Variants in IARS1 observed in about 807,000 individuals in gnomAD.
The protein encoded by IARS1 is isoleucyl-tRNA synthetase 1.
IARS1 carries 124 observed loss-of-function variants against 168.2 expected under a neutral mutation model. That is an observed-to-expected ratio of 0.74 (90% CI 0.64 to 0.86). IARS1 has a LOEUF of 0.86. IARS1 is among the 40% of genes least tolerant of loss of function. The probability of loss-of-function intolerance (pLI) is 0.00; values close to 1 mark genes in which losing one functional copy is unlikely to be tolerated. For synonymous variants in IARS1, 532 were observed against 529.4 expected (o/e 1.00, Z -0.07); for missense variants, 1,452 against 1,515.8 (o/e 0.96, Z 0.70).
chr9:92,240,337 C>T (rs768327842), intron 30 of IARS1: 5 of 262,206 alleles, frequency 1.9e-5, no homozygotes, highest in Non-Finnish European at 2.9e-5. Flanking sequence ...AATCTCAGCT[C>T]ACTGCAACCT....
intron 32 of IARS1, 126 bp from the exon 33 acceptor site, chr9:92,222,798 G>A: frequency 1.3e-6 from 1 of 778,364 alleles, no homozygotes; most frequent in Non-Finnish European, 2.0e-6. Context: ...GAGCGTGAGT[G>A]TGACCGCTGA....
chr9:92,248,166 CA>C (rs1277492712), intron 25 of IARS1, among the ~76,000 whole-genome samples: 3 of 152,136 alleles, frequency 2.0e-5, no homozygotes, highest in Non-Finnish European at 4.4e-5. Context: ...CAGAGTACCA[CA>C]AGGTTAACTA....
intron 33 of IARS1, among the ~76,000 whole-genome samples, chr9:92,220,656 A>C (rs1839531786): frequency 6.6e-6 from 1 of 151,770 alleles, no homozygotes; most frequent in African/African-American, 2.4e-5. Context: ...AACAAAAAAC[A>C]CGAATAGAAT....
At chr9:92,216,248 G>A (rs1166244443) in intron 33 of IARS1, among the ~76,000 whole-genome samples, 1 of 149,388 alleles carries the variant, frequency 6.7e-6, no homozygotes, top group Admixed American at 6.7e-5. Context: ...CACCAGGCCT[G>A]CCCTAAAAGA....
At chr9:92,212,954 T>C (rs1026831821) in intron 33 of IARS1, among the ~76,000 whole-genome samples, 4 of 151,976 alleles carry the variant, frequency 2.6e-5, no homozygotes, top group African/African-American at 9.7e-5. Flanking sequence ...GAGTACAGAC[T>C]GCAGACTGGT....
At chr9:92,261,785 C>A (rs1385431695) in intron 17 of IARS1, among the ~76,000 whole-genome samples, 3 of 151,688 alleles carry the variant, frequency 2.0e-5, no homozygotes, top group African/African-American at 7.3e-5. Flanking sequence ...GAGCCTCACT[C>A]TATTACCCAG....
In IARS1 at chr9:92,213,531, A is replaced by G. The variant is rs542865594; in HGVS notation, c.3707-2642T>C. Among the ~76,000 whole-genome samples the G allele has an allele frequency of 1.2e-4, 19 of 152,358 alleles. No homozygotes were observed. In the South Asian group the frequency reaches 3.9e-3, roughly 32 times the overall value. On this transcript the variant is annotated intron_variant, in intron 33 of 33. Transcript: ENST00000443024. Reference sequence around the variant, plus strand: ...AGTCAGAGACTGAAGTGATGTGGCCACAAGTCAAGGGATGCCTGGCGCCAC... The same window carrying G: ...AGTCAGAGACTGAAGTGATGTGGCCGCAAGTCAAGGGATGCCTGGCGCCAC...
rs560176337 is a variant in IARS1, at chr9:92,229,824, C to A, written c.3284-698G>T. ...ATTGCCTCAGTTTTACTTTTACTCA[C>A]TGGGGCATGTGTACACGTGGGTATG... On this transcript the variant is annotated intron_variant, in intron 30 of 33. Coordinates refer to ENST00000443024, the MANE Select transcript of IARS1 (RefSeq NM_002161.6). 2.6e-5 allele frequency among the ~76,000 whole-genome samples: 4 copies of A among 152,288 alleles called. No homozygotes were observed. The South Asian group carries it at 8.3e-4, about 32-fold the overall frequency.
chr9:92,277,522 T>A (rs1833934162), intron 9 of IARS1, among the ~76,000 whole-genome samples: 2 of 151,968 alleles, frequency 1.3e-5, no homozygotes, highest in African/African-American at 4.8e-5. Context: ...TACAAAAAAC[T>A]AAAAACTTAG....
intron 33 of IARS1, among the ~76,000 whole-genome samples, chr9:92,216,219 T>A (rs994389400): frequency 6.7e-6 from 1 of 149,040 alleles, no homozygotes; most frequent in South Asian, 2.2e-4. Flanking sequence ...GACAAGCAAA[T>A]GCTGAGAGAT....
chr9:92,259,134 G>T, intron 18 of IARS1, 136 bp from the exon 19 acceptor site: 1 of 754,996 alleles, frequency 1.3e-6, no homozygotes, highest in Non-Finnish European at 2.1e-6. Context: ...TACTCTTTGA[G>T]TGGTCAATTT....
chr9:92,261,665 C>A (rs1831548470), intron 17 of IARS1, among the ~76,000 whole-genome samples: 1 of 152,080 alleles, frequency 6.6e-6, no homozygotes, highest in Non-Finnish European at 1.5e-5. Flanking sequence ...CAAAATGTGA[C>A]CACTGGGGGA....
Position 92,285,828 on chromosome 9 carries a change from T to C in IARS1, c.491A>G (p.Lys164Arg), listed in dbSNP as rs1835367568. ...QFMESVWWVF[K>R]QLYDKGLVYR... ...AACAAGGCCTTTATCATAGAGTTGTTTGAAGACCCACCTGGTAAGAGATGG... is the reference window on the plus strand; with the variant it reads ...AACAAGGCCTTTATCATAGAGTTGTCTGAAGACCCACCTGGTAAGAGATGG... Residue 164 changes from lysine (K) to arginine (R), a missense_variant, in exon 6 of 34, where the codon AAA becomes AGA. Coordinates refer to ENST00000443024, the MANE Select transcript of IARS1 (RefSeq NM_002161.6). 6.3e-7 allele frequency: 1 copy of C among 1,592,350 alleles called. No homozygotes were observed. Among genetic ancestry groups the C allele is most frequent in the Non-Finnish European group, 8.6e-7 (1 of 1,161,134 alleles).
At chr9:92,221,457 G>T (rs1839652536) in intron 33 of IARS1, among the ~76,000 whole-genome samples, 1 of 152,144 alleles carries the variant, frequency 6.6e-6, no homozygotes, top group South Asian at 2.1e-4. Flanking sequence ...GGTATAAATA[G>T]AAAAAAACAG....
At chr9:92,252,857 C>A (rs1830218007) in intron 21 of IARS1, among the ~76,000 whole-genome samples, 1 of 145,462 alleles carries the variant, frequency 6.9e-6, no homozygotes, top group Admixed American at 6.9e-5. Context: ...ACCTCGCTCT[C>A]TCTATTAAGC....
intron 31 of IARS1, among the ~76,000 whole-genome samples, chr9:92,228,129 C>T (rs533312298): frequency 6.6e-6 from 1 of 152,258 alleles, no homozygotes; most frequent in South Asian, 2.1e-4. Flanking sequence ...CGGTTAGGAG[C>T]TGGAGACCAG....
intron 9 of IARS1, among the ~76,000 whole-genome samples, chr9:92,276,772 T>C (rs1833835083): frequency 6.6e-6 from 1 of 152,218 alleles, no homozygotes; most frequent in African/African-American, 2.4e-5. Context: ...TCAAGACCTT[T>C]AAATAAGGAC....
At chr9:92,223,120 G>GT (rs1839898366) in intron 32 of IARS1, among the ~76,000 whole-genome samples, 1 of 152,182 alleles carries the variant, frequency 6.6e-6, no homozygotes, top group African/African-American at 2.4e-5. Context: ...CAATTTAGTT[G>GT]TAATTTTTAC....
intron 25 of IARS1, among the ~76,000 whole-genome samples, chr9:92,248,571 C>T (rs1024386679): frequency 2.0e-5 from 3 of 146,658 alleles, no homozygotes; most frequent in South Asian, 4.3e-4. Flanking sequence ...GAGGATTGCC[C>T]GAGCCCAGGA....
Sources: gnomAD v4.1 joint callset for allele counts (sites outside exome capture counted in the v4.1 genomes callset) on GRCh38, gnomAD v4.1.1 for gene constraint, MANE v1.5 for transcripts, NCBI Gene and HGNC (gene_info 2026-07-23, HGNC 2026-07-21) for gene names.